The following MAST3 variants were observed in gnomAD, a reference collection of about 807,000 sequenced individuals.
The protein encoded by MAST3 is microtubule associated serine/threonine kinase 3.
A neutral mutation model predicts 127.0 loss-of-function variants in MAST3; 43 were observed. The ratio of observed to expected loss-of-function variants is 0.34; its 90% CI spans 0.27 to 0.44. The LOEUF (loss-of-function observed/expected upper bound fraction) is 0.44, where lower values mean the gene tolerates loss of function less well. Among genes scored for constraint, MAST3 ranks in the 20% least tolerant of loss-of-function variants. The pLI is 1.00. For synonymous variants in MAST3, 785 were observed against 809.2 expected, an observed-to-expected ratio of 0.97 and a Z score of 0.51; for missense variants, 1,390 against 1,919.1, an observed-to-expected ratio of 0.72 and a Z score of 5.15.
At chr19:18,141,158 A>T (rs557832577) in intron 20 of MAST3, among the ~76,000 whole-genome samples, 1 of 152,110 alleles carries the variant, frequency 6.6e-6, no homozygotes, top group Non-Finnish European at 1.5e-5. Flanking sequence ...TGATCTGATC[A>T]AAAAATGCTC....
In MAST3 at chr19:18,123,613, G is replaced by A. The variant is rs2040248540; in HGVS notation, c.591G>A (p.Glu197=). 3 of 1,595,300 alleles carry A rather than the reference G, an allele frequency of 1.9e-6. No individual in the cohort carries two copies. The African/African-American group carries it at 4.0e-5, about 21-fold the overall frequency. ...GTGCAACGGGGACCTTCGACAATGAGATTGTCATGATGAATCACGTGTACC... is the reference window on the plus strand; with the variant it reads ...GTGCAACGGGGACCTTCGACAATGAAATTGTCATGATGAATCACGTGTACC... The part of the protein sequence containing the change: ...PGRATGTFDN[E]IVMMNHVYRE... The change falls in exon 8 of 28, where the codon GAG becomes GAA. Residue 197 remains glutamate, a synonymous_variant. Transcript: ENST00000687212.
In MAST3 at chr19:18,110,175, C is replaced by A; in HGVS notation, c.72-477C>A. The A allele has an allele frequency of 2.0e-6, 2 of 985,446 alleles. No individual in the cohort carries two copies. The highest frequency in any genetic ancestry group is 4.7e-5 in the South Asian group (1 of 21,292). 61.0% of individuals were successfully genotyped at this position (985,446 alleles called of 1,614,324 possible). A position where few individuals can be genotyped will look rare whatever the true frequency, so the allele number is the denominator to read the frequency against. On this transcript the variant is annotated intron_variant, in intron 2 of 27. Transcript: ENST00000687212. The surrounding 1 kb of genome is among the most constrained non-coding windows in gnomAD (Gnocchi z 4.3). ...GCCCGGCCCCCAGCGGCCCAGCCCC[C>A]GCGTCTAGTCTGCCGCACCAGCCAG...
At position 18,124,736 on chromosome 19, in the gene MAST3, T is replaced by C; in HGVS notation, c.1040T>C (p.Ile347Thr). 1.2e-6 allele frequency: 2 copies of C among 1,607,282 alleles called. No individual in the cohort carries two copies. The highest frequency in any genetic ancestry group is 1.7e-6 in the Non-Finnish European group (2 of 1,175,964). ...ATTAAGACTGACCTTCCACAGTACA[T>C]CATTGGGCAGCTGGGCCTGGCCAAG... ...QGIKTDLPQY[I>T]IGQLGLAKDP... is the part of the protein sequence containing the mutation. Residue 347 changes from isoleucine to threonine, a missense_variant, in exon 11 of 28, where the codon ATC becomes ACC. Around this residue, in one of 5 missense-constraint regions of MAST3, gnomAD observed 277 missense variants for 384.8 expected, o/e 0.72. Coordinates refer to ENST00000687212, the MANE Select transcript of MAST3 (RefSeq NM_001393504.1).
chr19:18,110,548 G>T lies in MAST3; in HGVS notation c.72-104G>T, dbSNP rs1157185957. ...CTGAACCCAGAATCCCCGGTCTTGG[G>T]CCCCTACTCCCTGAGGGAACCGCAG... On this transcript the variant is annotated intron_variant, in intron 2 of 27. Transcript: ENST00000687212. The surrounding 1 kb of genome is among the most constrained non-coding windows in gnomAD (Gnocchi z 4.3). 5.9e-6 allele frequency: 5 copies of T among 844,204 alleles called. No homozygotes were observed. The highest frequency in any genetic ancestry group is 1.8e-5 in the African/African-American group (1 of 54,312). The allele number at this position is 844,204 out of a possible 1,614,324, so 52.3% of individuals were successfully genotyped here.
intron 3 of MAST3, among the ~76,000 whole-genome samples, chr19:18,111,842 A>T (rs951491392): frequency 2.6e-5 from 4 of 152,182 alleles, no homozygotes; most frequent in Non-Finnish European, 1.5e-5. Context: ...CGGGGAGAAG[A>T]GAGAACAATA....
chr19:18,107,200 C>A (rs746100507), intron 1 of MAST3, among the ~76,000 whole-genome samples: 2 of 151,938 alleles, frequency 1.3e-5, no homozygotes, highest in Non-Finnish European at 2.9e-5. Flanking sequence ...TGGGCTCAAA[C>A]AACCCTCCTG....
At chr19:18,122,161 T>TG in intron 5 of MAST3, 1 of 981,632 alleles carries the variant, frequency 1.0e-6, no homozygotes, top group South Asian at 4.7e-5. Context: ...TGGGGGGTCA[T>TG]GGGGGGATAT....
intron 20 of MAST3, among the ~76,000 whole-genome samples, chr19:18,139,401 C>T (rs1026023030): frequency 3.3e-5 from 5 of 151,874 alleles, no homozygotes; most frequent in Admixed American, 6.6e-5. Flanking sequence ...CTCGGCTCAC[C>T]GCAACCTCTG....
rs3048876 is a variant in MAST3 at position 18,116,090 on chromosome 19, C to CTTTTTTTTTT, written c.161+5361_161+5370dup. On this transcript the variant is annotated intron_variant, in intron 3 of 27. Coordinates refer to ENST00000687212, the MANE Select transcript of MAST3 (RefSeq NM_001393504.1). ...TCTCAGCCTTGGTATTTGAAATTAT[C>CTTTTTTTTTT]TTTTTTTTTTTTTTTTTTTTTGAGA... Among the ~76,000 whole-genome samples, 127 of 86,334 alleles carry CTTTTTTTTTT rather than the reference C, an allele frequency of 1.5e-3. 16 individuals are homozygous for CTTTTTTTTTT. The highest frequency in any genetic ancestry group is 4.6e-3 in the African/African-American group (85 of 18,374). 56.6% of individuals were successfully genotyped at this position (86,334 alleles called of 152,430 possible).
rs2040877550 is a variant in MAST3, at chr19:18,128,259, C to T, written c.1079-141C>T. 9.6e-6 allele frequency: 6 copies of T among 623,204 alleles called. No homozygotes were observed. In the East Asian group the frequency reaches 1.4e-4, roughly 14 times the overall value. The allele number at this position is 623,204 out of a possible 1,614,324, so 38.6% of individuals were successfully genotyped here. ...TCATCCAGCCTCCCGGATGTGGCTTCATGACAGTGTCATGAGAGCTGGTCA... is the reference window on the plus strand; with the variant it reads ...TCATCCAGCCTCCCGGATGTGGCTTTATGACAGTGTCATGAGAGCTGGTCA... On this transcript the variant is annotated intron_variant, in intron 11 of 27. Coordinates refer to ENST00000687212, the MANE Select transcript of MAST3 (RefSeq NM_001393504.1).
Position 18,124,269 on chromosome 19 carries a change from A to G in MAST3, c.848A>G (p.His283Arg), listed in dbSNP as rs777685629. The change falls in exon 10 of 28, where the codon CAT (histidine) becomes CGT (arginine). Residue 283 changes from histidine to arginine, a missense_variant. Physicochemically the swap from His to Arg is conservative, Grantham distance 29 (BLOSUM62 0). Coordinates refer to ENST00000687212, the MANE Select transcript of MAST3 (RefSeq NM_001393504.1). ...GCCACGACCCACCTCCCCCAGGCCCATGAGCGTTCGGACAGTGAGGAGGTC... is the reference window on the plus strand; with the variant it reads ...GCCACGACCCACCTCCCCCAGGCCCGTGAGCGTTCGGACAGTGAGGAGGTC... ...EKLERLLQDAHERSDSEEVSF... is the reference protein window; with the variant it reads ...EKLERLLQDARERSDSEEVSF... 3.1e-6 allele frequency: 5 copies of G among 1,605,654 alleles called. No homozygotes were observed. The highest frequency in any genetic ancestry group is 3.4e-5 in the Admixed American group (2 of 58,962).
chr19:18,123,222 C>T lies in MAST3; in HGVS notation c.405C>T (p.Ser135=), dbSNP rs1310376095. Residue 135 remains serine (S), a synonymous_variant, in exon 7 of 28, where the codon AGC becomes AGT. Transcript: ENST00000687212. ...TNTPSSTLSS[S]SSSRERLHQL... is the part of the protein sequence containing the mutation. ...TCCCCACCACTCTCTACCAGTCAAG[C>T]TCATCCTCCCGGGAACGTCTCCACC... 6.2e-7 allele frequency: 1 copy of T among 1,613,580 alleles called. No homozygotes were observed. The highest frequency in any genetic ancestry group is 8.5e-7 in the Non-Finnish European group (1 of 1,179,874).
At chr19:18,113,521 C>A (rs527445463) in intron 3 of MAST3, among the ~76,000 whole-genome samples, 53 of 151,940 alleles carry the variant, frequency 3.5e-4, no homozygotes, top group South Asian at 1.0e-3. Context: ...AGTGAAGTGG[C>A]ACGATCTTGG....
rs2041341645 is a variant in MAST3, at chr19:18,131,901, TCTC to T, written c.1433-6_1433-4del. On this transcript the variant is annotated splice_region_variant and splice_polypyrimidine_tract_variant and intron_variant, in intron 14 of 27. Transcript: ENST00000687212. ...CGGGCCTCATGACTACATCCGCCCT[TCTC>T]CCAGGCGGCGACTGCGCCACGCTCC... The T allele has an allele frequency of 1.3e-6, 2 of 1,570,674 alleles. No individual in the cohort carries two copies. The highest frequency in any genetic ancestry group is 1.4e-5 in the African/African-American group (1 of 73,768).
Position 18,134,711 on chromosome 19 carries a change from G to C in MAST3, c.1704G>C (p.Gln568His), listed in dbSNP as rs1160119513. 1 of 1,612,794 alleles carries C rather than the reference G, an allele frequency of 6.2e-7. No homozygotes were observed. The highest frequency in any genetic ancestry group is 1.1e-5 in the South Asian group (1 of 90,986). The change falls in exon 16 of 28, where the codon CAG becomes CAC. Residue 568 changes from glutamine (Q) to histidine (H), a missense_variant and splice_region_variant. Transcript: ENST00000687212. The part of the protein sequence containing the change: ...EKDAREFIDK[Q>H]VCGTPEYIAP... Reference sequence around the variant, plus strand: ...ACGCCCGAGAGTTCATCGACAAGCAGGTGGGCGGGCAGGTGGGTGGGCAGC... The same window carrying C: ...ACGCCCGAGAGTTCATCGACAAGCACGTGGGCGGGCAGGTGGGTGGGCAGC...
intron 3 of MAST3, among the ~76,000 whole-genome samples, chr19:18,114,455 T>C (rs987933006): frequency 3.9e-5 from 6 of 152,144 alleles, no homozygotes; most frequent in Non-Finnish European, 7.4e-5. Flanking sequence ...TCCCAAAATG[T>C]TGGGATTACA....
chr19:18,101,045 T>G (rs1369619095), intron 1 of MAST3, among the ~76,000 whole-genome samples: 1 of 152,160 alleles, frequency 6.6e-6, no homozygotes, highest in Non-Finnish European at 1.5e-5. Context: ...GTGGAGACCT[T>G]CCCAATTTGG....
At chr19:18,123,804 C>T in intron 8 of MAST3, 135 bp from the exon 9 acceptor site, 1 of 1,059,318 alleles carries the variant, frequency 9.4e-7, no homozygotes, top group Non-Finnish European at 1.3e-6. Context: ...TGTCGTTCCT[C>T]CTGCACCAGC....
intron 3 of MAST3, among the ~76,000 whole-genome samples, chr19:18,111,699 T>C (rs1347098836): frequency 6.6e-6 from 1 of 152,028 alleles, no homozygotes; most frequent in Non-Finnish European, 1.5e-5. Flanking sequence ...CACATCCAGC[T>C]AATTTTTGTA....
Sources: allele counts gnomAD v4.1 joint callset (sites outside exome capture counted in the v4.1 genomes callset), GRCh38; gene constraint gnomAD v4.1.1; regional missense constraint gnomAD v4.1.1; non-coding constraint Gnocchi (gnomAD v3.1); transcripts MANE v1.5; gene names NCBI Gene and HGNC (gene_info 2026-07-23, HGNC 2026-07-21).